Variants in SCAF1 observed in about 807,000 individuals in gnomAD.
SCAF1 encodes splicing factor, arginine/serine-rich 19.
In SCAF1, 28 loss-of-function variants were observed where a neutral mutation model predicts 91.2. The ratio of observed to expected loss-of-function variants is 0.31; its 90% confidence interval spans 0.23 to 0.42. SCAF1 has a LOEUF of 0.42. Among genes scored for constraint, SCAF1 ranks in the 10% least tolerant of loss-of-function variants. The probability of loss-of-function intolerance (pLI) is 1.00; values close to 1 mark genes in which losing one functional copy is unlikely to be tolerated. For synonymous variants in SCAF1, 1,036 were observed against 833.7 expected, an observed-to-expected ratio of 1.24 and a Z score of -4.18; for missense variants, 1,893 against 1,872.1, an observed-to-expected ratio of 1.01 and a Z score of -0.21.
Position 49,645,205 on chromosome 19 carries a change from A to G in SCAF1, c.108+71A>G, listed in dbSNP as rs2122452631. 1 of 1,517,608 alleles carries G rather than the reference A, an allele frequency of 6.6e-7. No individual in the cohort carries two copies. The highest frequency in any genetic ancestry group is 1.1e-5 in the South Asian group (1 of 88,450). The allele number at this position is 1,517,608 out of a possible 1,614,324, so 94.0% of individuals were successfully genotyped here. On this transcript the variant is annotated intron_variant, in intron 2 of 10. Transcript: ENST00000360565. This position sits in a 1 kb window ranked among gnomAD's most constrained non-coding sequence, Gnocchi z 4.6. ...ATCCACACTCCAGGGGCCTGACTCC[A>G]GGGCCTGAGGCAGGGGCGCTGGACT...
chr19:49,643,258 A>T (rs754022073), intron 1 of SCAF1, among the ~76,000 whole-genome samples: 1 of 152,214 alleles, frequency 6.6e-6, no homozygotes, highest in Non-Finnish European at 1.5e-5. Context: ...TTCAAGGGGA[A>T]ACCTGGGCCA....
At chr19:49,641,356 G>A (rs1230236070), upstream of SCAF1, among the ~76,000 whole-genome samples, 1 of 152,168 alleles carries the variant, frequency 6.6e-6, no homozygotes, top group Non-Finnish European at 1.5e-5. Context: ...CCGTCTTGTA[G>A]CCCATGCTGG....
chr19:49,657,950 T>C (rs1399364878), intron 10 of SCAF1, 61 bp downstream of exon 10: 3 of 1,580,894 alleles, frequency 1.9e-6, no homozygotes, highest in East Asian at 2.3e-5. Context: ...GAGGGACAGA[T>C]GTGTGCAGAC....
chr19:49,643,350 C>A (rs941145670), intron 1 of SCAF1, among the ~76,000 whole-genome samples: 3 of 152,200 alleles, frequency 2.0e-5, no homozygotes, highest in Admixed American at 2.0e-4. Context: ...CATTATATAA[C>A]ATAATGTATT....
intron 7 of SCAF1, 83 bp downstream of exon 7, chr19:49,653,788 G>T: frequency 7.5e-7 from 1 of 1,329,044 alleles, no homozygotes; most frequent in Non-Finnish European, 9.9e-7. Flanking sequence ...AGGCAGTGGG[G>T]TGCCCTGGCA....
rs1431864724 is a variant in SCAF1, at chr19:49,652,618, C to T, written c.2229C>T (p.Gly743=). 7 of 1,562,400 alleles carry T rather than the reference C, an allele frequency of 4.5e-6. No homozygotes were observed. The highest frequency in any genetic ancestry group is 2.4e-5 in the East Asian group (1 of 41,694). Residue 743 remains glycine (G), a synonymous_variant, in exon 7 of 11, where the codon GGC becomes GGT. Coordinates refer to ENST00000360565, the MANE Select transcript of SCAF1 (RefSeq NM_021228.3). ...DSEGLSGEER[G]GKSSQKDRRR... ...AGGGACTGAGCGGCGAGGAGCGGGG[C>T]GGCAAGAGCAGCCAGAAGGATCGGC...
Position 49,652,608 on chromosome 19 carries a change from A to G in SCAF1, c.2219A>G (p.Glu740Gly). 2 of 1,563,924 alleles carry G rather than the reference A, an allele frequency of 1.3e-6. No homozygotes were observed. The highest frequency in any genetic ancestry group is 1.7e-6 in the Non-Finnish European group (2 of 1,154,216). Residue 740 changes from glutamate (E) to glycine (G), a missense_variant, in exon 7 of 11, where the codon GAG becomes GGG. Glu to Gly is a moderately conservative substitution (Grantham distance 98, BLOSUM62 -2). Coordinates refer to ENST00000360565, the MANE Select transcript of SCAF1 (RefSeq NM_021228.3). The stretch of plus-strand genomic sequence containing the variant: ...TACGACTCCGAGGGACTGAGCGGCG[A>G]GGAGCGGGGCGGCAAGAGCAGCCAG... ...VLYDSEGLSG[E>G]ERGGKSSQKD...
intron 6 of SCAF1, among the ~76,000 whole-genome samples, chr19:49,648,076 G>T (rs2081065300): frequency 1.3e-5 from 2 of 152,102 alleles, no homozygotes; most frequent in Non-Finnish European, 2.9e-5. Context: ...GGGACTACAG[G>T]TGCATGCCAC....
At position 49,653,531 on chromosome 19, in the gene SCAF1, A is replaced by G. The variant is rs1183000863; in HGVS notation, c.3142A>G (p.Thr1048Ala). The G allele has an allele frequency of 6.3e-7, 1 of 1,579,526 alleles. No individual in the cohort carries two copies. Among genetic ancestry groups the G allele is most frequent in the Admixed American group, 1.7e-5 (1 of 57,506 alleles). Residue 1048 changes from threonine to alanine, a missense_variant, in exon 7 of 11, where the codon ACC (threonine) becomes GCC (alanine). By Grantham distance (58) the Thr-to-Ala change is moderately conservative. Transcript: ENST00000360565. ...EEQQPATTTATSTAAAAPSTA... is the reference protein window; with the variant it reads ...EEQQPATTTAASTAAAAPSTA... ...GCAGCAGCCTGCTACCACCACGGCC[A>G]CCAGCACTGCTGCAGCCGCCCCAAG...
chr19:49,648,425 T>A (rs1263922723), intron 6 of SCAF1, among the ~76,000 whole-genome samples: 1 of 152,016 alleles, frequency 6.6e-6, no homozygotes, highest in East Asian at 1.9e-4. Context: ...ATTTTTTATT[T>A]TTTTAAAATT....
intron 1 of SCAF1, among the ~76,000 whole-genome samples, chr19:49,644,355 G>A (rs999682126): frequency 1.3e-5 from 2 of 152,228 alleles, no homozygotes; most frequent in African/African-American, 4.8e-5. Flanking sequence ...TGCAGATGGC[G>A]ATAGGTAAAT....
Position 49,653,561 on chromosome 19 carries a change from G to T in SCAF1, c.3172G>T (p.Ala1058Ser), listed in dbSNP as rs749042333. 2 of 1,587,174 alleles carry T rather than the reference G, an allele frequency of 1.3e-6. No homozygotes were observed. Among genetic ancestry groups the T allele is most frequent in the East Asian group, 4.5e-5 (2 of 44,432 alleles). The change falls in exon 7 of 11, where the codon GCC becomes TCC. Residue 1058 changes from alanine to serine, a missense_variant. Ala to Ser is a moderately conservative substitution (Grantham distance 99). Around this residue, in one of 5 missense-constraint regions of SCAF1, gnomAD observed 1,436 missense variants for 1,306.8 expected, o/e 1.10. Coordinates refer to ENST00000360565, the MANE Select transcript of SCAF1 (RefSeq NM_021228.3). ...TSTAAAAPST[A>S]PSAGSTAGDS... ...CACTGCTGCAGCCGCCCCAAGCACT[G>T]CCCCCAGCGCGGGGTCCACAGCCGG...
chr19:49,652,115 TCCC>T lies in SCAF1; in HGVS notation c.1727_1729del (p.Ser576_Arg577delinsCys), dbSNP rs1248309987. The T allele has an allele frequency of 3.7e-6, 4 of 1,078,740 alleles. No individual in the cohort carries two copies. The highest frequency in any genetic ancestry group is 4.6e-5 in the South Asian group (2 of 43,190). 66.8% of individuals were successfully genotyped at this position (1,078,740 alleles called of 1,614,324 possible). A position where few individuals can be genotyped will look rare whatever the true frequency, so the allele number is the denominator to read the frequency against. ...GTCGTCCGCCCGCCGCCGCTCCCGC[TCCC>T]GCTCCCGCTCCCGCTCCACCCGCCG... On this transcript the variant is annotated inframe_deletion, in exon 7 of 11. Coordinates refer to ENST00000360565, the MANE Select transcript of SCAF1 (RefSeq NM_021228.3).
chr19:49,655,215 G>A (rs952458481), intron 9 of SCAF1, among the ~76,000 whole-genome samples: 4 of 152,094 alleles, frequency 2.6e-5, no homozygotes, highest in Admixed American at 2.0e-4. Flanking sequence ...GGTGGTTTCC[G>A]AATGAAAACT....
chr19:49,653,695 C>G lies in SCAF1; in HGVS notation c.3306C>G (p.Gly1102=), dbSNP rs538935572. 3 of 1,565,036 alleles carry G rather than the reference C, an allele frequency of 1.9e-6. No individual in the cohort carries two copies. In the South Asian group the frequency reaches 3.5e-5, roughly 18 times the overall value. Residue 1102 remains glycine, a synonymous_variant, in exon 7 of 11, where the codon GGC becomes GGG. Coordinates refer to ENST00000360565, the MANE Select transcript of SCAF1 (RefSeq NM_021228.3). ...LPAGVDCTTS[G]VLALTALLFK... ...CTGGTGTGGACTGCACCACCAGCGGCGTCCTGGCCTGTGAGTGTCCCCTGG... is the reference window on the plus strand; with the variant it reads ...CTGGTGTGGACTGCACCACCAGCGGGGTCCTGGCCTGTGAGTGTCCCCTGG...
At chr19:49,656,117 G>A (rs750788807) in intron 9 of SCAF1, among the ~76,000 whole-genome samples, 42 of 152,360 alleles carry the variant, frequency 2.8e-4, no homozygotes, top group Middle Eastern at 3.4e-3. Flanking sequence ...CAGTTTAGTC[G>A]GTCACTTGTC....
intron 9 of SCAF1, among the ~76,000 whole-genome samples, chr19:49,656,627 G>C (rs770837989): frequency 3.3e-5 from 5 of 152,186 alleles, no homozygotes; most frequent in Non-Finnish European, 7.4e-5. Flanking sequence ...CTGCTGCCCC[G>C]AGCCTGCGGC....
chr19:49,647,614 A>G (rs1269570068), intron 6 of SCAF1, among the ~76,000 whole-genome samples: 1 of 152,196 alleles, frequency 6.6e-6, no homozygotes, highest in African/African-American at 2.4e-5. Flanking sequence ...GTGGTAGAGC[A>G]GGCACACCAC....
rs1339364835 is a variant in SCAF1 at position 49,645,165 on chromosome 19, A to T, written c.108+31A>T. On this transcript the variant is annotated intron_variant, in intron 2 of 10. Transcript: ENST00000360565. This position sits in a 1 kb window ranked among gnomAD's most constrained non-coding sequence, Gnocchi z 4.6. ...GCTGCTGGGCTCCTGGCACTGAGGG[A>T]TGGAGGAGCTGGGCATCCACACTCC... 1.3e-6 allele frequency: 2 copies of T among 1,593,376 alleles called. No individual in the cohort carries two copies. The highest frequency in any genetic ancestry group is 2.7e-5 in the African/African-American group (2 of 74,502).
Sources: gnomAD v4.1 joint callset for allele counts (sites outside exome capture counted in the v4.1 genomes callset) on GRCh38, gnomAD v4.1.1 for gene constraint, gnomAD v4.1.1 regional missense constraint, Gnocchi (gnomAD v3.1) non-coding constraint, MANE v1.5 for transcripts, NCBI Gene and HGNC (gene_info 2026-07-23, HGNC 2026-07-21) for gene names.